Variants in RBMS2 observed in about 807,000 individuals in gnomAD.
RBMS2 encodes RNA binding motif single stranded interacting protein 2, also known as RNA-binding motif, single-stranded-interacting protein 2.
Under a neutral mutation model 58.4 loss-of-function variants are expected in RBMS2, and 38 were observed. That is an observed-to-expected ratio of 0.65 (90% confidence interval 0.50 to 0.85). RBMS2 has a LOEUF of 0.85. RBMS2 is among the 40% of genes least tolerant of loss of function. The probability of loss-of-function intolerance (pLI) is 0.00; values close to 1 mark genes in which losing one functional copy is unlikely to be tolerated. For synonymous variants in RBMS2, 151 were observed against 180.7 expected, an observed-to-expected ratio of 0.84 and a Z score of 1.32; for missense variants, 367 against 503.7, an observed-to-expected ratio of 0.73 and a Z score of 2.60.
intron 11 of RBMS2, among the ~76,000 whole-genome samples, 182 bp from the exon 12 acceptor site, chr12:56,588,112 C>T (rs567280140): frequency 2.3e-4 from 35 of 152,258 alleles, no homozygotes; most frequent in Middle Eastern, 3.4e-3. Flanking sequence ...TATAGGGAGA[C>T]GTCTCCCTAA....
intron 5 of RBMS2, among the ~76,000 whole-genome samples, chr12:56,573,600 A>T (rs901118080): frequency 2.6e-5 from 4 of 151,692 alleles, no homozygotes; most frequent in African/African-American, 9.7e-5. Context: ...GAGAGTTCCT[A>T]GGCTTGGGAC....
At chr12:56,521,655 G>C (rs1871739393), upstream of RBMS2, among the ~76,000 whole-genome samples, 1 of 151,566 alleles carries the variant, frequency 6.6e-6, no homozygotes, top group African/African-American at 2.4e-5. Context: ...ATAGAGGAAA[G>C]GGGATAAATT....
At chr12:56,569,848 T>C in intron 3 of RBMS2, 51 bp from the exon 4 acceptor site, 1 of 1,478,958 alleles carries the variant, frequency 6.8e-7, no homozygotes. Context: ...CCTGGACCTC[T>C]CTGTTCCTTA....
chr12:56,541,113 A>AAAC (rs1640149756), intron 1 of RBMS2, among the ~76,000 whole-genome samples: 1 of 151,796 alleles, frequency 6.6e-6, no homozygotes, highest in African/African-American at 2.4e-5. Context: ...AAAAAAAAAA[A>AAAC]AACCCCAAAA....
intron 1 of RBMS2, among the ~76,000 whole-genome samples, chr12:56,559,331 G>A (rs1021847919): frequency 1.4e-3 from 211 of 150,812 alleles, no homozygotes; most frequent in South Asian, 8.2e-3. Flanking sequence ...GACTACAGGC[G>A]CCCGCCACTA....
At chr12:56,536,110 G>T (rs1279850997) in intron 1 of RBMS2, among the ~76,000 whole-genome samples, 1 of 144,734 alleles carries the variant, frequency 6.9e-6, no homozygotes, top group African/African-American at 2.6e-5. Flanking sequence ...TGAAACAGGA[G>T]AATCACTTGA....
chr12:56,537,327 A>G (rs1475806510), intron 1 of RBMS2, among the ~76,000 whole-genome samples: 1 of 152,158 alleles, frequency 6.6e-6, no homozygotes, highest in Non-Finnish European at 1.5e-5. Context: ...CTGAAACTCT[A>G]TACCCATTAA....
chr12:56,566,472 A>G (rs1881362523), intron 2 of RBMS2, among the ~76,000 whole-genome samples: 2 of 152,206 alleles, frequency 1.3e-5, no homozygotes, highest in African/African-American at 4.8e-5. Context: ...CTCAAGTTTT[A>G]GAAGTTCCAC....
chr12:56,582,953 G>T (rs565495374), intron 9 of RBMS2, among the ~76,000 whole-genome samples: 1 of 152,078 alleles, frequency 6.6e-6, no homozygotes, highest in Non-Finnish European at 1.5e-5. Context: ...ACGCCCAGCC[G>T]TGATCTGGGT....
intron 5 of RBMS2, among the ~76,000 whole-genome samples, chr12:56,572,379 T>TG: frequency 6.6e-6 from 1 of 151,518 alleles, no homozygotes; most frequent in Middle Eastern, 3.4e-3. Flanking sequence ...TTTATAAAGA[T>TG]GGGGTCTTGC....
intron 1 of RBMS2, 88 bp downstream of exon 1, chr12:56,522,177 G>C (rs1871828577): frequency 1.9e-6 from 2 of 1,074,326 alleles, no homozygotes; most frequent in Admixed American, 4.5e-5. Context: ...TTTTAAAGAG[G>C]GGAAGGGGCT....
chr12:56,578,127 ATT>A (rs917088765), intron 5 of RBMS2, among the ~76,000 whole-genome samples: 7 of 145,902 alleles, frequency 4.8e-5, no homozygotes, highest in African/African-American at 1.8e-4. Flanking sequence ...CCTGGCCCAA[ATT>A]TTTTTTTTTA....
At chr12:56,574,878 G>A (rs927848642) in intron 5 of RBMS2, among the ~76,000 whole-genome samples, 1 of 152,166 alleles carries the variant, frequency 6.6e-6, no homozygotes, top group African/African-American at 2.4e-5. Flanking sequence ...GCCGGACTCC[G>A]TGACTCACGC....
intron 1 of RBMS2, among the ~76,000 whole-genome samples, chr12:56,535,571 G>A (rs1874630898): frequency 6.6e-6 from 1 of 151,746 alleles, no homozygotes; most frequent in Non-Finnish European, 1.5e-5. Context: ...TCTCAACTTG[G>A]ACTGGAACTC....
At chr12:56,536,553 CCTT>C (rs1874885292) in intron 1 of RBMS2, among the ~76,000 whole-genome samples, 1 of 151,232 alleles carries the variant, frequency 6.6e-6, no homozygotes, top group East Asian at 1.9e-4. Context: ...CTCCTTCTCT[CCTT>C]CTTTCTTTTT....
chr12:56,594,503 T>A lies in RBMS2; in HGVS notation c.*5370T>A, dbSNP rs954906231. 1.3e-5 allele frequency: 2 copies of A among 152,190 alleles called. No homozygotes were observed. The highest frequency in any genetic ancestry group is 2.9e-5 in the Non-Finnish European group (2 of 68,038). 9.4% of individuals were successfully genotyped at this position (152,190 alleles called of 1,614,324 possible). A position where few individuals can be genotyped will look rare whatever the true frequency, so the allele number is the denominator to read the frequency against. On this transcript the variant is annotated 3_prime_UTR_variant, in exon 14 of 14. Coordinates refer to ENST00000262031, the MANE Select transcript of RBMS2 (RefSeq NM_002898.4). The stretch of plus-strand genomic sequence containing the variant: ...CCTTGTTATACCAATCCTTCCTGAT[T>A]CCCGTTTAAACCAACTACTCTATTT...
intron 9 of RBMS2, among the ~76,000 whole-genome samples, chr12:56,583,591 T>C (rs938708575): frequency 3.3e-5 from 5 of 151,868 alleles, no homozygotes; most frequent in African/African-American, 1.2e-4. Flanking sequence ...CAGGCAGAGG[T>C]TGTGGTGAGC....
intron 1 of RBMS2, 26 bp downstream of exon 1, chr12:56,522,115 C>T (rs756243853): frequency 1.3e-6 from 2 of 1,519,414 alleles, no homozygotes; most frequent in Non-Finnish European, 1.8e-6. Context: ...TTTTTGGTAT[C>T]TAGCTACTTC....
chr12:56,587,482 A>G (rs1884832707), intron 10 of RBMS2, 72 bp from the exon 11 acceptor site: 2 of 1,496,564 alleles, frequency 1.3e-6, no homozygotes, highest in Admixed American at 4.0e-5. Flanking sequence ...TGGTCCTGAC[A>G]GCCACCGATC....
Sources: gnomAD v4.1 joint callset for allele counts (sites outside exome capture counted in the v4.1 genomes callset) on GRCh38, gnomAD v4.1.1 for gene constraint, MANE v1.5 for transcripts, NCBI Gene and HGNC (gene_info 2026-07-23, HGNC 2026-07-21) for gene names.